Variants in MAP3K9 observed in about 807,000 individuals in gnomAD.
MAP3K9 encodes the protein mixed lineage kinase 1 (tyr and ser/thr specificity).
In MAP3K9, 46 loss-of-function variants were observed where a neutral mutation model predicts 95.8. The observed-to-expected ratio is 0.48, with a 90% CI of 0.38 to 0.61. The LOEUF (loss-of-function observed/expected upper bound fraction) is 0.61. Among genes scored for constraint, MAP3K9 ranks in the 20% least tolerant of loss-of-function variants. The pLI, the probability that MAP3K9 is intolerant of heterozygous loss-of-function variation, is 0.00. For synonymous variants in MAP3K9, 533 were observed against 593.8 expected (o/e 0.90, Z 1.49); for missense variants, 1,296 against 1,474.3 (o/e 0.88, Z 1.98).
intron 2 of MAP3K9, among the ~76,000 whole-genome samples, chr14:70,778,199 G>A (rs1594799464): frequency 6.6e-6 from 1 of 151,544 alleles, no homozygotes. Flanking sequence ...GCCCCCTGCT[G>A]CCTTGGGCTC....
intron 2 of MAP3K9, among the ~76,000 whole-genome samples, chr14:70,766,979 G>A (rs1057282813): frequency 5.9e-5 from 9 of 151,966 alleles, no homozygotes; most frequent in Non-Finnish European, 1.2e-4. Flanking sequence ...CATCATTTCC[G>A]CTAGCATGTG....
At chr14:70,738,740 G>T (rs1450690234) in intron 7 of MAP3K9, among the ~76,000 whole-genome samples, 3 of 152,120 alleles carry the variant, frequency 2.0e-5, no homozygotes, top group African/African-American at 7.2e-5. Context: ...AAGGAGGCAG[G>T]TAAGGGGGGA....
chr14:70,734,167 T>C (rs899842326), intron 10 of MAP3K9, among the ~76,000 whole-genome samples: 4 of 152,366 alleles, frequency 2.6e-5, no homozygotes, highest in African/African-American at 4.8e-5. Context: ...TTTTGGTTGC[T>C]ATTGGTTCTC....
At position 70,727,996 on chromosome 14, in the gene MAP3K9, G is replaced by A. The variant is rs1219448298; in HGVS notation, c.*2384C>T. ...TCATACCACAGAGCACTGTGTATAG[G>A]CAGCATGGTTTGGAGGGCCACAAGA... On this transcript the variant is annotated 3_prime_UTR_variant, in exon 12 of 12. Transcript: ENST00000554752. The A allele has an allele frequency of 6.6e-6, 1 of 152,142 alleles. No homozygotes were observed. Among genetic ancestry groups the A allele is most frequent in the Non-Finnish European group, 1.5e-5 (1 of 68,050 alleles). The allele number at this position is 152,142 out of a possible 1,614,324, so 9.4% of individuals were successfully genotyped here. A position where few individuals can be genotyped will look rare whatever the true frequency, so the allele number is the denominator to read the frequency against.
chr14:70,808,556 C>G (rs1992164702), intron 1 of MAP3K9, among the ~76,000 whole-genome samples: 1 of 152,112 alleles, frequency 6.6e-6, no homozygotes, highest in African/African-American at 2.4e-5. Context: ...GAAGCCCAAG[C>G]GTCTGAAGTG....
chr14:70,761,414 A>T (rs1222580895), intron 2 of MAP3K9, among the ~76,000 whole-genome samples: 2 of 152,236 alleles, frequency 1.3e-5, no homozygotes, highest in African/African-American at 4.8e-5. Context: ...CAAGGCAGGT[A>T]CTATTGCCAT....
intron 11 of MAP3K9, 82 bp downstream of exon 11, chr14:70,732,457 A>G: frequency 6.8e-7 from 1 of 1,472,976 alleles, no homozygotes; most frequent in Non-Finnish European, 9.0e-7. Context: ...CCCGAAGTGG[A>G]AAGAGAAAAT....
At chr14:70,781,192 TAC>T (rs1264028796) in intron 2 of MAP3K9, among the ~76,000 whole-genome samples, 1 of 152,260 alleles carries the variant, frequency 6.6e-6, no homozygotes, top group Non-Finnish European at 1.5e-5. Context: ...GAAAAGATGC[TAC>T]AGCTTCCCCA....
intron 7 of MAP3K9, among the ~76,000 whole-genome samples, chr14:70,739,661 G>A (rs1208203763): frequency 1.3e-5 from 2 of 152,126 alleles, no homozygotes; most frequent in Admixed American, 6.5e-5. Flanking sequence ...CCTTCCTTGG[G>A]AAGTGTGGAC....
intron 8 of MAP3K9, among the ~76,000 whole-genome samples, chr14:70,736,724 T>C (rs2053991211): frequency 6.6e-6 from 1 of 152,170 alleles, no homozygotes; most frequent in Admixed American, 6.5e-5. Context: ...AGCCCAGAGC[T>C]CAAGGGACAA....
At chr14:70,752,353 A>T (rs1442087316) in intron 3 of MAP3K9, among the ~76,000 whole-genome samples, 3 of 152,334 alleles carry the variant, frequency 2.0e-5, no homozygotes, top group African/African-American at 7.2e-5. Context: ...GCTCTGGTAC[A>T]CAGGAAGCAC....
Position 70,728,489 on chromosome 14 carries a change from T to C in MAP3K9, c.*1891A>G, listed in dbSNP as rs2053850818. On this transcript the variant is annotated 3_prime_UTR_variant, in exon 12 of 12. Coordinates refer to ENST00000554752, the MANE Select transcript of MAP3K9 (RefSeq NM_001284230.2). ...GAAGAATCACTTGGTTGGCTGGAAC[T>C]GCTGGTAAGATTCACATTTTTTCCT... 6.6e-6 allele frequency: 1 copy of C among 152,226 alleles called. No individual in the cohort carries two copies. Among genetic ancestry groups the C allele is most frequent in the Admixed American group, 6.5e-5 (1 of 15,282 alleles). The allele number at this position is 152,226 out of a possible 1,614,324, so 9.4% of individuals were successfully genotyped here. A position where few individuals can be genotyped will look rare whatever the true frequency, so the allele number is the denominator to read the frequency against.
rs560713687 is a variant in MAP3K9, at chr14:70,730,508, T to C, written c.3187A>G (p.Thr1063Ala). Residue 1063 changes from threonine (T) to alanine (A), a missense_variant, in exon 12 of 12, where the codon ACT becomes GCT. By Grantham distance (58) the Thr-to-Ala change is moderately conservative (BLOSUM62 0). This residue lies in a region of MAP3K9 where 433 missense variants were observed against 441.4 expected (regional missense o/e 0.98). Transcript: ENST00000554752. Reference protein sequence around the residue: ...LPFQAGPLPPTERTLLDLDAE... With the variant: ...LPFQAGPLPPAERTLLDLDAE... The stretch of plus-strand genomic sequence containing the variant: ...TCCAGGTCCAGGAGCGTCCGCTCAG[T>C]CGGGGGCAGCGGCCCTGCCTGGAAC... 1 of 1,613,902 alleles carries C rather than the reference T, an allele frequency of 6.2e-7. No homozygotes were observed. Among genetic ancestry groups the C allele is most frequent in the Non-Finnish European group, 8.5e-7 (1 of 1,180,030 alleles).
In MAP3K9 at chr14:70,730,754, A is replaced by G. The variant is rs1029519642; in HGVS notation, c.2941T>C (p.Ser981Pro). 40 of 1,613,440 alleles carry G rather than the reference A, an allele frequency of 2.5e-5. No individual in the cohort carries two copies. The highest frequency in any genetic ancestry group is 3.3e-5 in the Non-Finnish European group (39 of 1,179,976). ...AGAGTCTTGGGTCTCTCCAAGGTAG[A>G]GTCCTGCTGAGTGTTCCAGCGCCTT... ...TPRRWNTQQD[S>P]TLERPKTLEF... The change falls in exon 12 of 12, where the codon TCT (serine) becomes CCT (proline). Residue 981 changes from serine (S) to proline (P), a missense_variant. Around this residue, in one of 5 missense-constraint regions of MAP3K9, gnomAD observed 433 missense variants for 441.4 expected, o/e 0.98. Transcript: ENST00000554752.
rs1276716388 is a variant in MAP3K9, at chr14:70,739,945, T to C, written c.1690+97A>G. 1.9e-6 allele frequency: 3 copies of C among 1,614,126 alleles called. No individual in the cohort carries two copies. In the South Asian group the frequency reaches 3.3e-5, roughly 18 times the overall value. On this transcript the variant is annotated intron_variant, in intron 7 of 11. Coordinates refer to ENST00000554752, the MANE Select transcript of MAP3K9 (RefSeq NM_001284230.2). ...TGTCGAGGAGAGGTGGCAGAAGTTA[T>C]GGATGGAGCAAGCCTGGACCAGTCG...
chr14:70,731,551 C>A (rs374964883), intron 11 of MAP3K9, among the ~76,000 whole-genome samples: 1 of 152,210 alleles, frequency 6.6e-6, no homozygotes, highest in Non-Finnish European at 1.5e-5. Flanking sequence ...AGAAACTGTA[C>A]GGCCTACAAA....
chr14:70,761,859 C>G (rs1335247204), intron 2 of MAP3K9, among the ~76,000 whole-genome samples: 1 of 152,134 alleles, frequency 6.6e-6, no homozygotes, highest in African/African-American at 2.4e-5. Flanking sequence ...CTGTCTAGTT[C>G]CAAAACATTT....
At chr14:70,774,983 CAAAAAAAAAAAA>C (rs60144338) in intron 2 of MAP3K9, among the ~76,000 whole-genome samples, 590 of 55,134 alleles carry the variant, frequency 0.011, 2 homozygotes, top group African/African-American at 0.033. Flanking sequence ...ACTCTGTCCC[CAAAAAAAAAAAA>C]AAAAAAAAAA....
At position 70,774,983 on chromosome 14, in the gene MAP3K9, C is replaced by CAAAAAAAA. The variant is rs60144338; in HGVS notation, c.821-13809_821-13802dup. ...TGGAGACAGAGTGAGACTCTGTCCC[C>CAAAAAAAA]AAAAAAAAAAAAAAAAAAAAAAAAA... On this transcript the variant is annotated intron_variant, in intron 2 of 11. Coordinates refer to ENST00000554752, the MANE Select transcript of MAP3K9 (RefSeq NM_001284230.2). 9.3e-4 allele frequency among the ~76,000 whole-genome samples: 51 copies of CAAAAAAAA among 55,118 alleles called. 5 individuals carry two copies. Among genetic ancestry groups the CAAAAAAAA allele is most frequent in the African/African-American group, 3.1e-3 (40 of 12,832 alleles). 36.2% of individuals were successfully genotyped at this position (55,118 alleles called of 152,430 possible).
Sources: gnomAD v4.1 joint callset for allele counts (sites outside exome capture counted in the v4.1 genomes callset) on GRCh38, gnomAD v4.1.1 for gene constraint, gnomAD v4.1.1 regional missense constraint, MANE v1.5 for transcripts, NCBI Gene and HGNC (gene_info 2026-07-23, HGNC 2026-07-21) for gene names.